Variants in CTNNA2 observed in about 807,000 individuals in gnomAD.
CTNNA2 encodes the protein catenin alpha-2.
In CTNNA2, 42 loss-of-function variants were observed where a neutral mutation model predicts 101.0. The ratio of observed to expected loss-of-function variants is 0.42; its 90% CI spans 0.32 to 0.54. CTNNA2 has a LOEUF of 0.54. Among genes scored for constraint, CTNNA2 ranks in the 20% least tolerant of loss-of-function variants. The pLI is 0.14. For missense variants in CTNNA2, 871 were observed against 1,223.1 expected, an observed-to-expected ratio of 0.71 and a Z score of 4.29; for synonymous variants, 450 against 456.4, an observed-to-expected ratio of 0.99 and a Z score of 0.18.
chr2:79,704,138 A>G (rs1427944622), intron 2 of CTNNA2, among the ~76,000 whole-genome samples: 1 of 152,202 alleles, frequency 6.6e-6, no homozygotes, highest in African/African-American at 2.4e-5. Flanking sequence ...TTTAGCCTCA[A>G]ACAACTGACA....
Position 80,303,002 on chromosome 2 carries a change from G to A in CTNNA2, c.1057-90209G>A. 1.9e-6 allele frequency: 3 copies of A among 1,613,778 alleles called. No homozygotes were observed. The highest frequency in any genetic ancestry group is 2.5e-6 in the Non-Finnish European group (3 of 1,179,972). On this transcript the variant is annotated intron_variant, in intron 7 of 18. Coordinates refer to ENST00000402739, the MANE Select transcript of CTNNA2 (RefSeq NM_001282597.3). The surrounding 1 kb of genome is among the most constrained non-coding windows in gnomAD (Gnocchi z 7.7). ...GTGCGGCACGGTCTCGAACACATGGGGCTCCATGTACTCGATCTCGTTGCC... is the reference window on the plus strand; with the variant it reads ...GTGCGGCACGGTCTCGAACACATGGAGCTCCATGTACTCGATCTCGTTGCC...
chr2:79,724,488 C>A (rs1686688768), intron 2 of CTNNA2, among the ~76,000 whole-genome samples: 1 of 151,918 alleles, frequency 6.6e-6, no homozygotes. Context: ...GTATTAGCCA[C>A]TCAAGATGTT....
In CTNNA2 at chr2:80,589,281, C is replaced by G. The variant is rs371156156; in HGVS notation, c.2008-23C>G. The G allele has an allele frequency of 1.9e-6, 3 of 1,611,650 alleles. No individual in the cohort carries two copies. The South Asian group carries it at 3.3e-5, about 18-fold the overall frequency. ...GTACTTCCTTTGTCACCGTCACTCA[C>G]GCTTTTTCTGTAACCCACGCAGGCC... On this transcript the variant is annotated intron_variant, in intron 14 of 18. Transcript: ENST00000402739.
intron 5 of CTNNA2, among the ~76,000 whole-genome samples, chr2:79,870,875 G>C (rs1682536919): frequency 6.6e-6 from 1 of 152,044 alleles, no homozygotes; most frequent in African/African-American, 2.4e-5. Context: ...GGGGATTATA[G>C]GTCCCTCCCT....
chr2:79,576,164 A>G (rs1230721603), intron 1 of CTNNA2, among the ~76,000 whole-genome samples: 1 of 152,212 alleles, frequency 6.6e-6, no homozygotes, highest in African/African-American at 2.4e-5. Context: ...TTTCTAAATG[A>G]TATCCAAAAT....
intron 3 of CTNNA2, among the ~76,000 whole-genome samples, chr2:79,757,785 AATT>A (rs1340993536): frequency 6.6e-6 from 1 of 152,116 alleles, no homozygotes; most frequent in Admixed American, 6.5e-5. Flanking sequence ...GACCTGGGAA[AATT>A]ATTTACTCAC....
At position 80,302,883 on chromosome 2, in the gene CTNNA2, C is replaced by G; in HGVS notation, c.1057-90328C>G. The G allele has an allele frequency of 6.2e-7, 1 of 1,614,128 alleles. No homozygotes were observed. Among genetic ancestry groups the G allele is most frequent in the Non-Finnish European group, 8.5e-7 (1 of 1,180,028 alleles). On this transcript the variant is annotated intron_variant, in intron 7 of 18. Transcript: ENST00000402739. This position sits in a 1 kb window ranked among gnomAD's most constrained non-coding sequence, Gnocchi z 6.4. ...TTGCGCCCGCAATCCCACAGGTTCC[C>G]GGCCAGGGTGATGCTTGTCAGGGAC...
intron 1 of CTNNA2, among the ~76,000 whole-genome samples, chr2:79,617,393 T>C: frequency 6.6e-6 from 1 of 152,350 alleles, no homozygotes; most frequent in South Asian, 2.1e-4. Flanking sequence ...ATTTACTGTC[T>C]TTTAAATTCT....
chr2:79,910,817 G>C (rs1685739217), intron 7 of CTNNA2, among the ~76,000 whole-genome samples: 1 of 152,124 alleles, frequency 6.6e-6, no homozygotes, highest in Admixed American at 6.6e-5. Context: ...CTCCCATCAT[G>C]AGTAAAAATA....
At chr2:80,485,476 C>A (rs1013831540) in intron 9 of CTNNA2, among the ~76,000 whole-genome samples, 1 of 152,110 alleles carries the variant, frequency 6.6e-6, no homozygotes, top group African/African-American at 2.4e-5. Context: ...GGACATCCAG[C>A]CTGACAACCT....
At chr2:79,705,792 T>C (rs1685317076) in intron 2 of CTNNA2, among the ~76,000 whole-genome samples, 1 of 152,208 alleles carries the variant, frequency 6.6e-6, no homozygotes, top group South Asian at 2.1e-4. Context: ...GCAATAAATA[T>C]TTCTCTACTA....
At chr2:79,899,521 T>C (rs996041815) in intron 6 of CTNNA2, among the ~76,000 whole-genome samples, 1 of 152,208 alleles carries the variant, frequency 6.6e-6, no homozygotes, top group Non-Finnish European at 1.5e-5. Flanking sequence ...TTTGTCTTTC[T>C]AAATATAAGC....
intron 5 of CTNNA2, 22 bp downstream of exon 5, chr2:79,869,957 C>T: frequency 6.2e-7 from 1 of 1,611,114 alleles, no homozygotes; most frequent in Non-Finnish European, 8.5e-7. Flanking sequence ...TTTAGAAATG[C>T]TAGGGGAGAA....
intron 9 of CTNNA2, among the ~76,000 whole-genome samples, chr2:80,514,755 TTC>T (rs1688975426): frequency 6.6e-6 from 1 of 152,098 alleles, no homozygotes; most frequent in African/African-American, 2.4e-5. Flanking sequence ...GTCAAGCCGC[TTC>T]TGTCTCCCTG....
intron 3 of CTNNA2, among the ~76,000 whole-genome samples, chr2:79,349,791 G>A (rs950197071): frequency 4.6e-5 from 7 of 152,128 alleles, no homozygotes; most frequent in African/African-American, 1.4e-4. Context: ...CATTATATTA[G>A]AAAGAAAGGA....
chr2:79,842,699 G>T (rs2103852265), intron 3 of CTNNA2, among the ~76,000 whole-genome samples: 1 of 151,364 alleles, frequency 6.6e-6, no homozygotes, highest in Non-Finnish European at 1.5e-5. Flanking sequence ...CGTAGTTTTG[G>T]GTGTGTGTTT....
chr2:79,260,066 C>A (rs1247618822), intron 2 of CTNNA2, among the ~76,000 whole-genome samples: 1 of 152,148 alleles, frequency 6.6e-6, no homozygotes, highest in African/African-American at 2.4e-5. Context: ...AGATAACATT[C>A]CCCAGAATCA....
chr2:80,480,971 T>C (rs1439495230), intron 9 of CTNNA2, among the ~76,000 whole-genome samples: 1 of 152,106 alleles, frequency 6.6e-6, no homozygotes, highest in South Asian at 2.1e-4. Context: ...GTGAAATGTA[T>C]TTTCTAGCTC....
chr2:80,053,545 A>C (rs1697015750), intron 7 of CTNNA2, among the ~76,000 whole-genome samples: 1 of 152,206 alleles, frequency 6.6e-6, no homozygotes, highest in Non-Finnish European at 1.5e-5. Context: ...TGGACTAATG[A>C]CGCCTTTCGT....
Sources: allele counts gnomAD v4.1 joint callset (sites outside exome capture counted in the v4.1 genomes callset), GRCh38; gene constraint gnomAD v4.1.1; non-coding constraint Gnocchi (gnomAD v3.1); transcripts MANE v1.5; gene names NCBI Gene and HGNC (gene_info 2026-07-23, HGNC 2026-07-21).